The following DLC1 variants were observed in gnomAD, a reference collection of about 807,000 sequenced individuals.
DLC1 encodes the protein DLC1 Rho GTPase activating protein.
DLC1 carries 54 observed loss-of-function variants against 140.3 expected under a neutral mutation model. The ratio of observed to expected loss-of-function variants is 0.38; its 90% CI spans 0.31 to 0.48. The LOEUF is 0.48. Among genes scored for constraint, DLC1 ranks in the 20% least tolerant of loss-of-function variants. The probability of loss-of-function intolerance (pLI) is 0.96; values close to 1 mark genes in which losing one functional copy is unlikely to be tolerated. For missense variants in DLC1, 2,536 were observed against 1,907.0 expected (o/e 1.33, Z -6.14); for synonymous variants, 986 against 728.1 (o/e 1.35, Z -5.70).
intron 5 of DLC1, among the ~76,000 whole-genome samples, chr8:13,151,758 A>G (rs550915921): frequency 6.6e-6 from 1 of 152,370 alleles, no homozygotes; most frequent in Admixed American, 6.5e-5. Flanking sequence ...AATGATGTGA[A>G]GAAAACCTGA....
intron 10 of DLC1, among the ~76,000 whole-genome samples, chr8:13,097,769 T>C (rs995925086): frequency 1.3e-5 from 2 of 152,068 alleles, no homozygotes; most frequent in African/African-American, 4.8e-5. Flanking sequence ...GCAAGAGTAA[T>C]GCATTCTCAC....
intron 4 of DLC1, among the ~76,000 whole-genome samples, chr8:13,386,995 C>A (rs765302472): frequency 2.0e-5 from 3 of 151,986 alleles, no homozygotes; most frequent in Non-Finnish European, 4.4e-5. Context: ...AAAAGACATT[C>A]TTTTCTAAGA....
chr8:13,480,139 C>G (rs1020033337), intron 2 of DLC1, among the ~76,000 whole-genome samples: 2 of 152,106 alleles, frequency 1.3e-5, no homozygotes, highest in Non-Finnish European at 2.9e-5. Context: ...ATATAAAATA[C>G]TGGGTCACAG....
chr8:13,540,854 CAGG>C (rs1415717665), intron 1 of DLC1, among the ~76,000 whole-genome samples: 2 of 152,188 alleles, frequency 1.3e-5, no homozygotes, highest in Non-Finnish European at 2.9e-5. Flanking sequence ...GACACCAGAA[CAGG>C]AGTTCAGATT....
rs552375920 is a variant in DLC1 at position 13,103,535 on chromosome 8, G to C, written c.1503-682C>G. Among the ~76,000 whole-genome samples, 53 of 151,742 alleles carry C rather than the reference G, an allele frequency of 3.5e-4. 3 individuals are homozygous for C. The highest frequency in any genetic ancestry group is 3.4e-3 in the Middle Eastern group (1 of 292). On this transcript the variant is annotated intron_variant, in intron 7 of 17. Coordinates refer to ENST00000276297, the MANE Select transcript of DLC1 (RefSeq NM_182643.3). Reference sequence around the variant, plus strand: ...GAGCCATTATGGACTGCCGCACATGGAGCCAAGAAAGAAAAGTTTGTGACT... The same window carrying C: ...GAGCCATTATGGACTGCCGCACATGCAGCCAAGAAAGAAAAGTTTGTGACT...
At chr8:13,373,312 G>A (rs1186871637) in intron 4 of DLC1, among the ~76,000 whole-genome samples, 2 of 152,162 alleles carry the variant, frequency 1.3e-5, no homozygotes, top group African/African-American at 4.8e-5. Context: ...TTTCCCTGAT[G>A]ATAAAAGCCT....
chr8:13,297,720 G>A (rs1011510142), intron 5 of DLC1, among the ~76,000 whole-genome samples: 2 of 152,148 alleles, frequency 1.3e-5, no homozygotes, highest in African/African-American at 4.8e-5. Flanking sequence ...CTGAAATAGA[G>A]CAGTCCTGTT....
At chr8:13,123,716 T>A (rs1821317064) in intron 5 of DLC1, among the ~76,000 whole-genome samples, 4 of 152,198 alleles carry the variant, frequency 2.6e-5, no homozygotes, top group Admixed American at 2.6e-4. Context: ...TTACTTTCTG[T>A]CTTTCCTCTT....
At chr8:13,182,918 C>A (rs1308797156) in intron 5 of DLC1, among the ~76,000 whole-genome samples, 2 of 152,112 alleles carry the variant, frequency 1.3e-5, no homozygotes, top group Non-Finnish European at 2.9e-5. Context: ...GCAGTATGGC[C>A]ATTTTCAGGA....
rs188440681 is a variant in DLC1, at chr8:13,224,863, A to G, written c.1348+80406T>C. Reference sequence around the variant, plus strand: ...TTACCCTATGCTAGTCTTATGCACCACGTTAGTTAACCACCAAGGGCAGAA... The same window carrying G: ...TTACCCTATGCTAGTCTTATGCACCGCGTTAGTTAACCACCAAGGGCAGAA... On this transcript the variant is annotated intron_variant, in intron 5 of 17. Coordinates refer to ENST00000276297, the MANE Select transcript of DLC1 (RefSeq NM_182643.3). Among the ~76,000 whole-genome samples the G allele has an allele frequency of 2.4e-3, 366 of 152,310 alleles. 3 individuals are homozygous for G. The highest frequency in any genetic ancestry group is 8.4e-3 in the African/African-American group (350 of 41,566).
chr8:13,482,567 A>G (rs11785329), intron 2 of DLC1, among the ~76,000 whole-genome samples: 4,233 of 152,278 alleles, frequency 0.028, 77 homozygotes, highest in Non-Finnish European at 0.034. Context: ...ATCAAGCAAA[A>G]TAAGGTACAT....
chr8:13,124,623 A>G (rs1366449002), intron 5 of DLC1, among the ~76,000 whole-genome samples: 1 of 152,236 alleles, frequency 6.6e-6, no homozygotes, highest in Non-Finnish European at 1.5e-5. Flanking sequence ...AGTCAGGAAA[A>G]CAACTCCAGG....
At chr8:13,462,953 A>G (rs1044401844) in intron 2 of DLC1, among the ~76,000 whole-genome samples, 9 of 152,172 alleles carry the variant, frequency 5.9e-5, no homozygotes, top group African/African-American at 2.2e-4. Context: ...TCATTAGCAC[A>G]AAGAATAAAA....
At chr8:13,533,466 T>A (rs771391323) in intron 1 of DLC1, among the ~76,000 whole-genome samples, 4 of 152,204 alleles carry the variant, frequency 2.6e-5, no homozygotes, top group African/African-American at 4.8e-5. Context: ...AGGGACTCAA[T>A]ATGAACTACA....
chr8:13,458,988 G>A (rs1300340044), intron 2 of DLC1, among the ~76,000 whole-genome samples: 4 of 152,108 alleles, frequency 2.6e-5, no homozygotes, highest in Admixed American at 2.0e-4. Flanking sequence ...TCACTAACCA[G>A]CTAAAAATTT....
At chr8:13,509,448 C>A (rs748445152) in intron 1 of DLC1, among the ~76,000 whole-genome samples, 3 of 152,176 alleles carry the variant, frequency 2.0e-5, no homozygotes, top group Admixed American at 6.5e-5. Context: ...ACATCTCTAT[C>A]ATCTCATCTT....
At chr8:13,251,373 A>C (rs1188714395) in intron 5 of DLC1, among the ~76,000 whole-genome samples, 2 of 152,156 alleles carry the variant, frequency 1.3e-5, no homozygotes, top group African/African-American at 4.8e-5. Context: ...TTTGCTGCTG[A>C]TTATTGGCAA....
rs543153960 is a variant in DLC1, at chr8:13,154,475, C to T, written c.1349-38818G>A. Among the ~76,000 whole-genome samples the T allele has an allele frequency of 6.7e-3, 1,023 of 152,326 alleles. 18 individuals are homozygous for T. Among genetic ancestry groups the T allele is most frequent in the African/African-American group, 0.024 (980 of 41,580 alleles). On this transcript the variant is annotated intron_variant, in intron 5 of 17. Transcript: ENST00000276297. Reference sequence around the variant, plus strand: ...CCTTACTGCCCAGGGCCGGCGGTGCCGGCCAGCTGCTCCGAGTGCGGGGCC... The same window carrying T: ...CCTTACTGCCCAGGGCCGGCGGTGCTGGCCAGCTGCTCCGAGTGCGGGGCC...
intron 2 of DLC1, among the ~76,000 whole-genome samples, chr8:13,405,925 C>CTTTCTTTTCT (rs1837516237): frequency 1.5e-5 from 1 of 68,672 alleles, no homozygotes; most frequent in African/African-American, 5.4e-5. Flanking sequence ...TCTTTTCTTT[C>CTTTCTTTTCT]TTTCTTTCTT....
Sources: gnomAD v4.1 joint callset for allele counts (sites outside exome capture counted in the v4.1 genomes callset) on GRCh38, gnomAD v4.1.1 for gene constraint, MANE v1.5 for transcripts, NCBI Gene and HGNC (gene_info 2026-07-23, HGNC 2026-07-21) for gene names.